The following CPS1 variants were observed in gnomAD, a reference collection of about 807,000 sequenced individuals.
CPS1 encodes the protein carbamoyl-phosphate synthase [ammonia], mitochondrial.
Under a neutral mutation model 174.6 loss-of-function variants are expected in CPS1, and 109 were observed. The observed-to-expected ratio is 0.62, with a 90% confidence interval of 0.53 to 0.73. CPS1 has a LOEUF of 0.73. CPS1 is among the 30% of genes least tolerant of loss of function. CPS1 has a pLI of 0.00. For synonymous variants in CPS1, 637 were observed against 632.0 expected, an observed-to-expected ratio of 1.01 and a Z score of -0.12; for missense variants, 1,689 against 1,821.9, an observed-to-expected ratio of 0.93 and a Z score of 1.33.
intron 6 of CPS1, among the ~76,000 whole-genome samples, chr2:210,583,555 T>C (rs1317466052): frequency 6.6e-6 from 1 of 152,040 alleles, no homozygotes; most frequent in Non-Finnish European, 1.5e-5. Flanking sequence ...AACAGTAAGG[T>C]AGATGAAGAA....
intron 34 of CPS1, among the ~76,000 whole-genome samples, chr2:210,670,652 G>A (rs1005906134): frequency 5.9e-5 from 9 of 152,218 alleles, no homozygotes; most frequent in Middle Eastern, 3.4e-3. Flanking sequence ...TATATAAATG[G>A]GGGTTAGGGA....
Position 210,661,154 on chromosome 2 carries a change from G to A in CPS1, c.3927+499G>A, listed in dbSNP as rs549961115. On this transcript the variant is annotated intron_variant, in intron 32 of 37. Coordinates refer to ENST00000233072, the MANE Select transcript of CPS1 (RefSeq NM_001875.5). ...GCTGTTGCTGTATATGGTGCTGTGC[G>A]GTTGTTGAAATTGATGACACCTTTA... Among the ~76,000 whole-genome samples, 8 of 152,232 alleles carry A rather than the reference G, an allele frequency of 5.3e-5. No homozygotes were observed. In the South Asian group the frequency reaches 6.2e-4, roughly 12 times the overall value.
At chr2:210,583,069 A>G (rs4490117) in intron 6 of CPS1, among the ~76,000 whole-genome samples, 1 of 152,162 alleles carries the variant, frequency 6.6e-6, no homozygotes, top group Non-Finnish European at 1.5e-5. Flanking sequence ...GTAACCTGCC[A>G]GAGAGCCAAG....
intron 21 of CPS1, 52 bp from the exon 22 acceptor site, chr2:210,637,650 T>A: frequency 6.2e-7 from 1 of 1,602,384 alleles, no homozygotes; most frequent in Non-Finnish European, 8.5e-7. Flanking sequence ...TTGTCACCGC[T>A]TTTTATTGTT....
At chr2:210,675,566 A>G (rs1291309002) in intron 35 of CPS1, among the ~76,000 whole-genome samples, 162 bp from the exon 36 acceptor site, 3 of 152,236 alleles carry the variant, frequency 2.0e-5, no homozygotes, top group East Asian at 1.9e-4. Flanking sequence ...AAAAATGTTT[A>G]AAGTGCCCAT....
intron 5 of CPS1, among the ~76,000 whole-genome samples, chr2:210,580,279 T>C (rs1461317720): frequency 2.0e-5 from 3 of 152,122 alleles, no homozygotes; most frequent in African/African-American, 7.2e-5. Context: ...ATGCATTACT[T>C]CAATTATATA....
chr2:210,588,136 C>T lies in CPS1; in HGVS notation c.700C>T (p.Leu234=). ...TGGGATTAAAAACAATGTAATCCGC[C>T]TGCTAGTAAAGGTAAGTAATTTGTT... The part of the protein sequence containing the change: ...DCGIKNNVIR[L]LVKRGAEVHL... The change falls in exon 7 of 38, where the codon CTG becomes TTG. Residue 234 remains leucine, a synonymous_variant. Coordinates refer to ENST00000233072, the MANE Select transcript of CPS1 (RefSeq NM_001875.5). The T allele has an allele frequency of 6.2e-7, 1 of 1,612,542 alleles. No homozygotes were observed. The highest frequency in any genetic ancestry group is 8.5e-7 in the Non-Finnish European group (1 of 1,178,952).
At chr2:210,665,774 CGT>C (rs1701076601) in intron 33 of CPS1, among the ~76,000 whole-genome samples, 1 of 148,980 alleles carries the variant, frequency 6.7e-6, no homozygotes, top group Non-Finnish European at 1.5e-5. Flanking sequence ...TGAATAGTGC[CGT>C]AATAAACATA....
intron 13 of CPS1, among the ~76,000 whole-genome samples, chr2:210,598,793 T>C (rs1698596935): frequency 6.6e-6 from 1 of 151,816 alleles, no homozygotes; most frequent in Non-Finnish European, 1.5e-5. Context: ...CTGATAGTAT[T>C]AAACAAATCA....
intron 1 of CPS1, among the ~76,000 whole-genome samples, chr2:210,557,744 A>G (rs1696961114): frequency 6.6e-6 from 1 of 152,106 alleles, no homozygotes; most frequent in South Asian, 2.1e-4. Flanking sequence ...AATTTGAAAT[A>G]GAAAAAACAA....
intron 29 of CPS1, 138 bp downstream of exon 29, chr2:210,654,240 A>C: frequency 1.3e-6 from 1 of 749,726 alleles, no homozygotes; most frequent in Non-Finnish European, 2.3e-6. Flanking sequence ...CTGTAAAAAA[A>C]ATCAAATTCT....
chr2:210,493,806 C>G (rs1471624608), intron 1 of CPS1, among the ~76,000 whole-genome samples: 1 of 152,144 alleles, frequency 6.6e-6, no homozygotes, highest in Non-Finnish European at 1.5e-5. Context: ...AGCAAATACT[C>G]CAAGTTGAAC....
chr2:210,537,110 G>A (rs538527542), intron 1 of CPS1, among the ~76,000 whole-genome samples: 1 of 152,268 alleles, frequency 6.6e-6, no homozygotes, highest in African/African-American at 2.4e-5. Context: ...ATGCTGATAA[G>A]CTCCAGAATG....
intron 1 of CPS1, among the ~76,000 whole-genome samples, chr2:210,537,149 T>C (rs1696277571): frequency 6.6e-6 from 1 of 152,246 alleles, no homozygotes; most frequent in African/African-American, 2.4e-5. Context: ...AGATGAATTA[T>C]GGGTTTTGGG....
At chr2:210,666,206 A>G (rs1481238772) in intron 33 of CPS1, among the ~76,000 whole-genome samples, 1 of 150,300 alleles carries the variant, frequency 6.7e-6, no homozygotes, top group African/African-American at 2.4e-5. Flanking sequence ...GTTTGAGTTC[A>G]TTGTAGATTC....
intron 20 of CPS1, among the ~76,000 whole-genome samples, chr2:210,613,664 A>G (rs1187122844): frequency 4.0e-5 from 6 of 151,864 alleles, no homozygotes; most frequent in African/African-American, 7.3e-5. Flanking sequence ...GCCACTTTGA[A>G]GGAGATGAAA....
chr2:210,491,522 C>A (rs1694878200), intron 1 of CPS1, among the ~76,000 whole-genome samples: 1 of 151,920 alleles, frequency 6.6e-6, no homozygotes, highest in East Asian at 1.9e-4. Flanking sequence ...ACTATGTTAG[C>A]CAGGATGGTC....
At chr2:210,481,068 A>G (rs949891859) in intron 1 of CPS1, among the ~76,000 whole-genome samples, 1 of 152,174 alleles carries the variant, frequency 6.6e-6, no homozygotes, top group Non-Finnish European at 1.5e-5. Context: ...GTGCTGACAG[A>G]TTCCTTTCTC....
chr2:210,582,531 C>G, intron 5 of CPS1, 86 bp from the exon 6 acceptor site: 1 of 921,942 alleles, frequency 1.1e-6, no homozygotes, highest in South Asian at 1.3e-5. Context: ...AGTCTTGCAG[C>G]AGCTGTTTAA....
Sources: allele counts gnomAD v4.1 joint callset (sites outside exome capture counted in the v4.1 genomes callset), GRCh38; gene constraint gnomAD v4.1.1; transcripts MANE v1.5; gene names NCBI Gene and HGNC (gene_info 2026-07-23, HGNC 2026-07-21).